Variants in NIPAL1 observed in about 807,000 individuals in gnomAD.
NIPAL1 encodes NIPA like domain containing 1.
Under a neutral mutation model 37.7 loss-of-function variants are expected in NIPAL1, and 35 were observed. That is an observed-to-expected ratio of 0.93 (90% CI 0.71 to 1.23). The LOEUF is 1.23. Ranked by LOEUF, NIPAL1 falls within the 50% of genes most tolerant of loss-of-function variation. The pLI is 0.00. For missense variants in NIPAL1, 412 were observed against 473.9 expected (o/e 0.87, Z 1.21); for synonymous variants, 162 against 183.0 (o/e 0.89, Z 0.93).
intron 4 of NIPAL1, among the ~76,000 whole-genome samples, chr4:48,033,730 T>A (rs1399983071): frequency 6.6e-6 from 1 of 152,220 alleles, no homozygotes; most frequent in Non-Finnish European, 1.5e-5. Flanking sequence ...TTTATTATGA[T>A]CCCAAATGAA....
chr4:48,036,306 A>G lies in NIPAL1; in HGVS notation c.*134A>G. ...CTAATTTAGATGTGAGGCCAAGTAA[A>G]AATGCCATTTTTTTGGCCATTGAAT... On this transcript the variant is annotated 3_prime_UTR_variant, in exon 6 of 6. Transcript: ENST00000295461. 1.3e-6 allele frequency: 1 copy of G among 785,684 alleles called. No homozygotes were observed. Among genetic ancestry groups the G allele is most frequent in the South Asian group, 1.9e-5 (1 of 52,208 alleles). 48.7% of individuals were successfully genotyped at this position (785,684 alleles called of 1,614,324 possible).
At chr4:48,023,078 G>GTTTTT (rs1208662710) in intron 1 of NIPAL1, among the ~76,000 whole-genome samples, 1 of 151,620 alleles carries the variant, frequency 6.6e-6, no homozygotes, top group African/African-American at 2.4e-5. Context: ...GTTTTGTTTT[G>GTTTTT]TTTTTGTTTT....
intron 1 of NIPAL1, among the ~76,000 whole-genome samples, chr4:48,019,396 T>C (rs1020210284): frequency 6.6e-6 from 1 of 152,178 alleles, no homozygotes; most frequent in African/African-American, 2.4e-5. Context: ...AATGCAAATA[T>C]GTATGAAGGT....
Position 48,033,076 on chromosome 4 carries a change from C to T in NIPAL1, c.454C>T (p.Leu152Phe), listed in dbSNP as rs1445537693. ...LVTPLGALSVLISAILSSYFL... is the reference protein window; with the variant it reads ...LVTPLGALSVFISAILSSYFL... ...CACCCCTCTGGGTGCTTTGAGTGTT[C>T]TCATAAGGTATGTGAGCAACAGGGA... Residue 152 changes from leucine to phenylalanine, a missense_variant, in exon 4 of 6, where the codon CTC becomes TTC. Physicochemically the swap from Leu to Phe is conservative, Grantham distance 22 (BLOSUM62 0). Transcript: ENST00000295461. 12 of 1,609,112 alleles carry T rather than the reference C, an allele frequency of 7.5e-6. No homozygotes were observed. The highest frequency in any genetic ancestry group is 1.0e-5 in the Non-Finnish European group (12 of 1,175,764).
intron 2 of NIPAL1, among the ~76,000 whole-genome samples, chr4:48,026,494 G>A (rs371927993): frequency 4.6e-5 from 7 of 152,140 alleles, no homozygotes; most frequent in East Asian, 1.9e-4. Flanking sequence ...GCATTAAAGC[G>A]ACAAAATCAT....
At chr4:48,021,040 A>G (rs989829974) in intron 1 of NIPAL1, among the ~76,000 whole-genome samples, 1 of 152,174 alleles carries the variant, frequency 6.6e-6, no homozygotes, top group Admixed American at 6.5e-5. Flanking sequence ...AATAAATTTC[A>G]ACTGGCTTTT....
chr4:48,030,196 A>G lies in NIPAL1; in HGVS notation c.370+20A>G, dbSNP rs1715790388. The G allele has an allele frequency of 2.1e-6, 3 of 1,438,844 alleles. 1 individual carries two copies. The South Asian group carries it at 3.4e-5, about 16-fold the overall frequency. 89.1% of individuals were successfully genotyped at this position (1,438,844 alleles called of 1,614,324 possible). The stretch of plus-strand genomic sequence containing the variant: ...TGTCAAGTAAGTTTTTAATACTGAG[A>G]ATACTGTTTATTTGTAAGATAGTAA... On this transcript the variant is annotated intron_variant, in intron 3 of 5. Transcript: ENST00000295461.
Position 48,037,346 on chromosome 4 carries a change from A to T in NIPAL1, c.*1174A>T. The T allele has an allele frequency of 2.7e-6, 1 of 372,802 alleles. No individual in the cohort carries two copies. The highest frequency in any genetic ancestry group is 2.0e-5 in the South Asian group (1 of 49,166). The allele number at this position is 372,802 out of a possible 1,614,324, so 23.1% of individuals were successfully genotyped here. ...GGAGTTTCTGAAGAAGTCCAGGTGA[A>T]TTCAGCTTTGGAGTCACTTATGTTC... On this transcript the variant is annotated 3_prime_UTR_variant, in exon 6 of 6. Transcript: ENST00000295461.
In NIPAL1 at chr4:48,027,606, T is replaced by C. The variant is rs1476307977; in HGVS notation, c.313+2272T>C. Among the ~76,000 whole-genome samples, 1 of 152,232 alleles carries C rather than the reference T, an allele frequency of 6.6e-6. No homozygotes were observed. The highest frequency in any genetic ancestry group is 1.5e-5 in the Non-Finnish European group (1 of 68,034). On this transcript the variant is annotated intron_variant, in intron 2 of 5. Transcript: ENST00000295461. This position sits in a 1 kb window ranked among gnomAD's most constrained non-coding sequence, Gnocchi z 4.1. The stretch of plus-strand genomic sequence containing the variant: ...TTTGCAAAATAGTCTTCATAGCTTA[T>C]ATATCCTGTTTAATTATAACAAAAT...
In NIPAL1 at chr4:48,016,837, G is replaced by C. The variant is rs781717304; in HGVS notation, c.-3G>C. Reference sequence around the variant, plus strand: ...CGCGTTCCGGAAGCCCGCTCCCGGGGCCATGGGGGCACAGGTGAGGCTGCC... The same window carrying C: ...CGCGTTCCGGAAGCCCGCTCCCGGGCCCATGGGGGCACAGGTGAGGCTGCC... On this transcript the variant is annotated 5_prime_UTR_variant, in exon 1 of 6. Transcript: ENST00000295461. 2 of 1,580,988 alleles carry C rather than the reference G, an allele frequency of 1.3e-6. No individual in the cohort carries two copies. Among genetic ancestry groups the C allele is most frequent in the African/African-American group, 1.3e-5 (1 of 74,400 alleles).
At chr4:48,022,843 T>C (rs1306192707) in intron 1 of NIPAL1, among the ~76,000 whole-genome samples, 1 of 151,846 alleles carries the variant, frequency 6.6e-6, no homozygotes, top group East Asian at 1.9e-4. Context: ...AAAAAATTAG[T>C]TGGGCATGGT....
intron 1 of NIPAL1, among the ~76,000 whole-genome samples, chr4:48,020,601 C>A (rs545306301): frequency 2.4e-4 from 37 of 152,296 alleles, no homozygotes; most frequent in African/African-American, 8.7e-4. Context: ...CATTTGGGTG[C>A]AGAGGCTGAA....
Position 48,027,863 on chromosome 4 carries a change from C to G in NIPAL1, c.314-2257C>G, listed in dbSNP as rs939759105. ...CCAATGCTTGTTATTCTCTCATTGACTAATCCAAACTCTCAAAAGCTCTTA... is the reference window on the plus strand; with the variant it reads ...CCAATGCTTGTTATTCTCTCATTGAGTAATCCAAACTCTCAAAAGCTCTTA... On this transcript the variant is annotated intron_variant, in intron 2 of 5. Transcript: ENST00000295461. This position sits in a 1 kb window ranked among gnomAD's most constrained non-coding sequence, Gnocchi z 4.1. Among the ~76,000 whole-genome samples, 1 of 152,166 alleles carries G rather than the reference C, an allele frequency of 6.6e-6. No individual in the cohort carries two copies. Among genetic ancestry groups the G allele is most frequent in the African/African-American group, 2.4e-5 (1 of 41,452 alleles).
rs1424391661 is a variant in NIPAL1, at chr4:48,033,056, C to G, written c.434C>G (p.Pro145Arg). The stretch of plus-strand genomic sequence containing the variant: ...TTTGCACCTGCCACCTTGGTCACCC[C>G]TCTGGGTGCTTTGAGTGTTCTCATA... ...YAFAPATLVT[P>R]LGALSVLISA... The change falls in exon 4 of 6, where the codon CCT becomes CGT. Residue 145 changes from proline (P) to arginine (R), a missense_variant. By Grantham distance (103) the Pro-to-Arg change is moderately radical. Transcript: ENST00000295461. The G allele has an allele frequency of 1.2e-6, 2 of 1,613,490 alleles. No individual in the cohort carries two copies. The highest frequency in any genetic ancestry group is 2.2e-5 in the South Asian group (2 of 91,032).
intron 2 of NIPAL1, among the ~76,000 whole-genome samples, chr4:48,028,050 A>G (rs1715729612): frequency 6.6e-6 from 1 of 152,204 alleles, no homozygotes; most frequent in African/African-American, 2.4e-5. Flanking sequence ...AAAATTTCCT[A>G]CAAATTAAGA....
chr4:48,024,942 G>A (rs1051212816), intron 1 of NIPAL1, 126 bp from the exon 2 acceptor site: 6 of 781,100 alleles, frequency 7.7e-6, no homozygotes, highest in South Asian at 1.7e-5. Context: ...ACCTGTTAGC[G>A]ACTTCCCTAC....
In NIPAL1 at chr4:48,016,880, G is replaced by C. The variant is rs759349704; in HGVS notation, c.41G>C (p.Arg14Pro). Residue 14 changes from arginine (R) to proline (P), a missense_variant, in exon 1 of 6, where the codon CGA becomes CCA. By Grantham distance (103) the Arg-to-Pro change is moderately radical. Coordinates refer to ENST00000295461, the MANE Select transcript of NIPAL1 (RefSeq NM_207330.3). ...AGGCTGCCGCCCGGAGAGCCCTGCC[G>C]AGAAGGTTTGTGTCTGCCCTGAGCC... ...QVRLPPGEPC[R>P]EGYVLSLVCP... 9.4e-6 allele frequency: 15 copies of C among 1,596,736 alleles called. No homozygotes were observed. In the Admixed American group the frequency reaches 2.4e-4, roughly 26 times the overall value.
intron 3 of NIPAL1, among the ~76,000 whole-genome samples, chr4:48,032,716 G>A (rs945427336): frequency 6.6e-6 from 1 of 152,126 alleles, no homozygotes; most frequent in Non-Finnish European, 1.5e-5. Flanking sequence ...CTTCAATATT[G>A]AAGTAGCTAA....
chr4:48,036,378 A>C lies in NIPAL1; in HGVS notation c.*206A>C. 1 of 522,108 alleles carries C rather than the reference A, an allele frequency of 1.9e-6. No individual in the cohort carries two copies. Among genetic ancestry groups the C allele is most frequent in the Non-Finnish European group, 3.3e-6 (1 of 300,834 alleles). 32.3% of individuals were successfully genotyped at this position (522,108 alleles called of 1,614,324 possible). A position where few individuals can be genotyped will look rare whatever the true frequency, so the allele number is the denominator to read the frequency against. ...CTCCAGAATCTCTACAAACTTTGAA[A>C]TACTCTCTAAGGATCAAAGAAGTCA... On this transcript the variant is annotated 3_prime_UTR_variant, in exon 6 of 6. Transcript: ENST00000295461.
Sources: gnomAD v4.1 joint callset for allele counts (sites outside exome capture counted in the v4.1 genomes callset) on GRCh38, gnomAD v4.1.1 for gene constraint, Gnocchi (gnomAD v3.1) non-coding constraint, MANE v1.5 for transcripts, NCBI Gene and HGNC (gene_info 2026-07-23, HGNC 2026-07-21) for gene names.